WDFY3: variants seen among roughly 807,000 people sequenced by gnomAD.
The protein encoded by WDFY3 is WD repeat and FYVE domain-containing protein 3.
A neutral mutation model predicts 409.6 loss-of-function variants in WDFY3; 66 were observed. That is an observed-to-expected ratio of 0.16 (90% CI 0.13 to 0.20). WDFY3 has a LOEUF of 0.20. Among genes scored for constraint, WDFY3 ranks in the 10% least tolerant of loss-of-function variants. The pLI is 1.00. For synonymous variants in WDFY3, 1,521 were observed against 1,537.1 expected (o/e 0.99, Z 0.25); for missense variants, 3,031 against 4,298.1 (o/e 0.71, Z 8.24).
chr4:84,683,914 C>A, intron 63 of WDFY3, 29 bp downstream of exon 63: 1 of 1,554,830 alleles, frequency 6.4e-7, no homozygotes, highest in Non-Finnish European at 8.8e-7. Context: ...GACAAATATC[C>A]TAATGAGTTT....
chr4:84,820,679 T>G (rs1753929050), intron 11 of WDFY3, among the ~76,000 whole-genome samples: 1 of 152,130 alleles, frequency 6.6e-6, no homozygotes, highest in South Asian at 2.1e-4. Flanking sequence ...ATATACGTAT[T>G]TGCTCTGTAC....
intron 2 of WDFY3, among the ~76,000 whole-genome samples, chr4:84,919,655 A>G (rs1167910147): frequency 1.3e-5 from 2 of 152,072 alleles, no homozygotes; most frequent in African/African-American, 2.4e-5. Flanking sequence ...ATGGTTTTAT[A>G]AGGGACTTTT....
intron 5 of WDFY3, among the ~76,000 whole-genome samples, chr4:84,844,864 A>G (rs550547317): frequency 6.6e-6 from 1 of 152,330 alleles, no homozygotes; most frequent in South Asian, 2.1e-4. Flanking sequence ...TTTTTGTCAA[A>G]TTAACTGAGT....
chr4:84,864,342 G>T (rs1325852420), intron 3 of WDFY3, among the ~76,000 whole-genome samples: 2 of 146,144 alleles, frequency 1.4e-5, no homozygotes, highest in African/African-American at 2.6e-5. Context: ...CTCCAGCCTG[G>T]GTGAAAGAGC....
intron 8 of WDFY3, 34 bp from the exon 9 acceptor site, chr4:84,829,224 A>G (rs1325702204): frequency 6.8e-7 from 1 of 1,467,796 alleles, no homozygotes; most frequent in Admixed American, 2.4e-5. Context: ...AATATGCATT[A>G]TTCCTGACAA....
intron 21 of WDFY3, among the ~76,000 whole-genome samples, chr4:84,793,650 T>C (rs1033686576): frequency 7.2e-5 from 11 of 152,180 alleles, no homozygotes; most frequent in African/African-American, 2.7e-4. Context: ...GGAGGTAGTT[T>C]TAATTAGGAC....
At chr4:84,911,377 C>T (rs1212337668) in intron 2 of WDFY3, among the ~76,000 whole-genome samples, 1 of 152,088 alleles carries the variant, frequency 6.6e-6, no homozygotes, top group East Asian at 1.9e-4. Context: ...GTCCTAGCTA[C>T]TCAGGAGGCT....
intron 15 of WDFY3, 104 bp downstream of exon 15, chr4:84,808,230 A>C (rs570862020): frequency 3.7e-4 from 375 of 1,003,948 alleles, no homozygotes; most frequent in Admixed American, 8.2e-4. Flanking sequence ...CAAAACAAAA[A>C]AAAACTGAAA....
chr4:84,717,779 T>C (rs1384001563), intron 48 of WDFY3, among the ~76,000 whole-genome samples: 1 of 152,192 alleles, frequency 6.6e-6, no homozygotes, highest in Non-Finnish European at 1.5e-5. Flanking sequence ...TTTAAGAGTA[T>C]TCTTCACGCC....
At chr4:84,887,342 T>C (rs1488794039) in intron 3 of WDFY3, among the ~76,000 whole-genome samples, 1 of 152,128 alleles carries the variant, frequency 6.6e-6, no homozygotes, top group African/African-American at 2.4e-5. Context: ...AGAAAACAAA[T>C]GAATTTCACT....
intron 4 of WDFY3, among the ~76,000 whole-genome samples, chr4:84,853,375 T>C (rs1022994695): frequency 3.9e-5 from 6 of 152,074 alleles, no homozygotes; most frequent in African/African-American, 9.7e-5. Flanking sequence ...GGTTTCACCA[T>C]GTTGGCCAGG....
At chr4:84,847,518 C>A (rs1380756630) in intron 5 of WDFY3, among the ~76,000 whole-genome samples, 5 of 150,644 alleles carry the variant, frequency 3.3e-5, no homozygotes, top group Non-Finnish European at 7.4e-5. Context: ...TGTAATCCCA[C>A]CACTTTGGGA....
In WDFY3 at chr4:84,952,573, T is replaced by C. The variant is rs967743468; in HGVS notation, c.-226+13636A>G. Among the ~76,000 whole-genome samples, 5 of 152,286 alleles carry C rather than the reference T, an allele frequency of 3.3e-5. No individual in the cohort carries two copies. The South Asian group carries it at 8.3e-4, about 25-fold the overall frequency. ...ATGTTGCCATTCACCAACATCTTACTTTCCCTTCTTCTTCCAGCTTATTCT... is the reference window on the plus strand; with the variant it reads ...ATGTTGCCATTCACCAACATCTTACCTTCCCTTCTTCTTCCAGCTTATTCT... On this transcript the variant is annotated intron_variant, in intron 1 of 67. Transcript: ENST00000295888.
Position 84,803,474 on chromosome 4 carries a change from A to T in WDFY3, c.2430-7T>A. 6.3e-7 allele frequency: 1 copy of T among 1,598,150 alleles called. No homozygotes were observed. Among genetic ancestry groups the T allele is most frequent in the Non-Finnish European group, 8.5e-7 (1 of 1,173,812 alleles). On this transcript the variant is annotated splice_polypyrimidine_tract_variant and splice_region_variant and intron_variant, in intron 15 of 67. Transcript: ENST00000295888. Reference sequence around the variant, plus strand: ...AACAGAATGATATGCATGCCTATAAAAAAAGAAAGAGTAAATTTGGTATTG... The same window carrying T: ...AACAGAATGATATGCATGCCTATAATAAAAGAAAGAGTAAATTTGGTATTG...
intron 46 of WDFY3, 137 bp from the exon 47 acceptor site, chr4:84,721,709 G>A: frequency 1.0e-6 from 1 of 962,018 alleles, no homozygotes; most frequent in South Asian, 2.0e-5. Context: ...CACATTCAGT[G>A]GTTAAGAACA....
At chr4:84,890,771 T>C (rs1764846319) in intron 3 of WDFY3, among the ~76,000 whole-genome samples, 1 of 152,202 alleles carries the variant, frequency 6.6e-6, no homozygotes, top group South Asian at 2.1e-4. Flanking sequence ...AGTGAGCATG[T>C]ATTGCTGTGT....
At chr4:84,766,897 A>C (rs1409808704) in intron 30 of WDFY3, among the ~76,000 whole-genome samples, 3 of 152,262 alleles carry the variant, frequency 2.0e-5, no homozygotes, top group African/African-American at 7.2e-5. Flanking sequence ...AGAAACGAAG[A>C]AATGGAGCTG....
chr4:84,813,359 T>A (rs1489319428), intron 13 of WDFY3, among the ~76,000 whole-genome samples: 1 of 152,202 alleles, frequency 6.6e-6, no homozygotes, highest in Admixed American at 6.5e-5. Flanking sequence ...TTGTTAAACG[T>A]ACAATCATAA....
chr4:84,929,422 G>A (rs1375525323), intron 2 of WDFY3, among the ~76,000 whole-genome samples: 1 of 151,860 alleles, frequency 6.6e-6, no homozygotes, highest in Non-Finnish European at 1.5e-5. Flanking sequence ...GTTTTAATCT[G>A]AGAAGTTTTG....
Sources: gnomAD v4.1 joint callset for allele counts (sites outside exome capture counted in the v4.1 genomes callset) on GRCh38, gnomAD v4.1.1 for gene constraint, MANE v1.5 for transcripts, NCBI Gene and HGNC (gene_info 2026-07-23, HGNC 2026-07-21) for gene names.